The following RBBP8 variants were observed in gnomAD, a reference collection of about 807,000 sequenced individuals.
RBBP8 encodes RB binding protein 8, endonuclease.
RBBP8 carries 88 observed loss-of-function variants against 108.3 expected under a neutral mutation model. The observed-to-expected ratio is 0.81, with a 90% CI of 0.68 to 0.97. RBBP8 has a LOEUF of 0.97. RBBP8 is among the 50% of genes least tolerant of loss of function. The pLI is 0.00. For synonymous variants in RBBP8, 332 were observed against 348.2 expected, an observed-to-expected ratio of 0.95 and a Z score of 0.52; for missense variants, 1,023 against 1,049.0, an observed-to-expected ratio of 0.98 and a Z score of 0.34.
chr18:22,914,431 C>T (rs1909275624), intron 1 of RBBP8: 1 of 152,050 alleles, frequency 6.6e-6, no homozygotes. Context: ...TTCTGTAAAG[C>T]TAGATATTGT....
In RBBP8 at chr18:22,961,104, C is replaced by G. The variant is rs116675501; in HGVS notation, c.249-7702C>G. On this transcript the variant is annotated intron_variant, in intron 4 of 18. Coordinates refer to ENST00000327155, the MANE Select transcript of RBBP8 (RefSeq NM_002894.3). Reference sequence around the variant, plus strand: ...TTGTTTAATTAAAGTTGTACTAGCTCCTAGTTTAACTTGTAAAAAGCATTA... The same window carrying G: ...TTGTTTAATTAAAGTTGTACTAGCTGCTAGTTTAACTTGTAAAAAGCATTA... Among the ~76,000 whole-genome samples, 1,054 of 152,222 alleles carry G rather than the reference C, an allele frequency of 6.9e-3. 13 individuals carry two copies. The highest frequency in any genetic ancestry group is 0.024 in the African/African-American group (992 of 41,526).
intron 4 of RBBP8, among the ~76,000 whole-genome samples, chr18:22,958,542 T>G (rs1912785009): frequency 6.6e-6 from 1 of 152,214 alleles, no homozygotes; most frequent in Non-Finnish European, 1.5e-5. Flanking sequence ...TCATTAATTT[T>G]TTTTTGTTGT....
At chr18:22,954,884 A>G (rs1013831359) in intron 4 of RBBP8, among the ~76,000 whole-genome samples, 3 of 152,112 alleles carry the variant, frequency 2.0e-5, no homozygotes, top group Non-Finnish European at 4.4e-5. Flanking sequence ...AGAACTCACT[A>G]TCAAGAGAAC....
At chr18:22,971,141 G>T (rs1185203042) in intron 5 of RBBP8, among the ~76,000 whole-genome samples, 1 of 50,876 alleles carries the variant, frequency 2.0e-5, no homozygotes, top group African/African-American at 7.1e-5. Flanking sequence ...CATGCCAGGA[G>T]AGTCTTTAAA....
chr18:22,980,971 T>TTTTTTG, intron 6 of RBBP8, among the ~76,000 whole-genome samples: 1 of 71,582 alleles, frequency 1.4e-5, no homozygotes, highest in African/African-American at 6.7e-5. Flanking sequence ...ATGTCTTTTT[T>TTTTTTG]TTTTTTTTTT....
chr18:22,930,997 G>T (rs1910002708), upstream of RBBP8, among the ~76,000 whole-genome samples: 3 of 152,134 alleles, frequency 2.0e-5, no homozygotes, highest in African/African-American at 4.8e-5. Context: ...AGCTCATCTT[G>T]AACTCCTGGC....
rs1347228981 is a variant in RBBP8, at chr18:23,004,014, G to GCCACTGTGCT, written c.2287+2289_2287+2298dup. On this transcript the variant is annotated intron_variant, in intron 15 of 18. Coordinates refer to ENST00000327155, the MANE Select transcript of RBBP8 (RefSeq NM_002894.3). ...GGAACTTGCAGTGAGCCAAGATCAC[G>GCCACTGTGCT]CCACTGTGCTCCAGCCTGGGCAACA... 1.7e-3 allele frequency among the ~76,000 whole-genome samples: 209 copies of GCCACTGTGCT among 123,006 alleles called. 1 individual carries two copies. Among genetic ancestry groups the GCCACTGTGCT allele is most frequent in the African/African-American group, 6.3e-3 (199 of 31,646 alleles). The allele number at this position is 123,006 out of a possible 152,430, so 80.7% of individuals were successfully genotyped here. A position where few individuals can be genotyped will look rare whatever the true frequency, so the allele number is the denominator to read the frequency against.
chr18:22,914,591 T>G (rs888063325), intron 1 of RBBP8, among the ~76,000 whole-genome samples: 1 of 152,220 alleles, frequency 6.6e-6, no homozygotes, highest in Non-Finnish European at 1.5e-5. Flanking sequence ...ATTTCACATA[T>G]TAATGATTTA....
chr18:22,935,146 T>C lies in RBBP8; in HGVS notation c.-99+1582T>C, dbSNP rs905646449. ...AATGCAGTGCACCTAATTCTACTTT[T>C]AAAAACTTTTTTACAGAAATAAATG... On this transcript the variant is annotated intron_variant, in intron 1 of 18. Transcript: ENST00000327155. Among the ~76,000 whole-genome samples the C allele has an allele frequency of 4.5e-4, 68 of 151,408 alleles. 1 individual carries two copies. The highest frequency in any genetic ancestry group is 2.9e-3 in the Admixed American group (44 of 15,212).
chr18:22,951,614 C>G (rs971796843), intron 4 of RBBP8, among the ~76,000 whole-genome samples: 3 of 152,170 alleles, frequency 2.0e-5, no homozygotes, highest in Non-Finnish European at 2.9e-5. Flanking sequence ...AATTCCTACA[C>G]TGGATATGGC....
intron 4 of RBBP8, among the ~76,000 whole-genome samples, chr18:22,952,839 T>C (rs1158099528): frequency 6.6e-6 from 1 of 152,208 alleles, no homozygotes; most frequent in Non-Finnish European, 1.5e-5. Context: ...CTTCTCTTAT[T>C]TCACCACGTT....
At chr18:23,000,905 C>T (rs2045935791) in intron 14 of RBBP8, among the ~76,000 whole-genome samples, 1 of 152,082 alleles carries the variant, frequency 6.6e-6, no homozygotes, top group Non-Finnish European at 1.5e-5. Flanking sequence ...TGTCTTTAAA[C>T]ACTTCATTAC....
At chr18:22,937,081 T>C (rs1488937720) in intron 2 of RBBP8, 121 bp downstream of exon 2, 19 of 1,512,388 alleles carry the variant, frequency 1.3e-5, no homozygotes, top group Non-Finnish European at 1.7e-5. Flanking sequence ...CGGGGGTACA[T>C]GTGCAGATTT....
intron 16 of RBBP8, among the ~76,000 whole-genome samples, chr18:23,010,729 G>A (rs537381651): frequency 4.6e-5 from 7 of 152,084 alleles, no homozygotes; most frequent in Non-Finnish European, 8.8e-5. Context: ...GAATGGAAGT[G>A]TGGGGATGGA....
At chr18:22,927,075 CAAGTT>C (rs1909816931) in intron 3 of RBBP8, among the ~76,000 whole-genome samples, 2 of 152,168 alleles carry the variant, frequency 1.3e-5, no homozygotes, top group Non-Finnish European at 2.9e-5. Flanking sequence ...AGTGTTCATT[CAAGTT>C]AACACAAATG....
intron 3 of RBBP8, among the ~76,000 whole-genome samples, chr18:22,925,493 A>G (rs1909759552): frequency 6.6e-6 from 1 of 152,240 alleles, no homozygotes; most frequent in Non-Finnish European, 1.5e-5. Context: ...CATAATTAGA[A>G]TAAAGACCAA....
rs537226688 is a variant in RBBP8 at position 23,006,576 on chromosome 18, A to G, written c.2357+144A>G. The stretch of plus-strand genomic sequence containing the variant: ...GAGTGCAATGGCGTAAACTCAGCTC[A>G]CTGCAACCTCTGCCTCCTAGGCTCA... On this transcript the variant is annotated intron_variant, in intron 16 of 18. Coordinates refer to ENST00000327155, the MANE Select transcript of RBBP8 (RefSeq NM_002894.3). 78 of 714,042 alleles carry G rather than the reference A, an allele frequency of 1.1e-4. No individual in the cohort carries two copies. The East Asian group carries it at 2.0e-3, about 18-fold the overall frequency. The allele number at this position is 714,042 out of a possible 1,614,324, so 44.2% of individuals were successfully genotyped here.
intron 10 of RBBP8, 24 bp from the exon 11 acceptor site, chr18:22,992,724 G>T (rs764504316): frequency 6.4e-7 from 1 of 1,552,690 alleles, no homozygotes; most frequent in African/African-American, 1.4e-5. Context: ...CTGTATTAAA[G>T]AATTGTTATC....
chr18:22,975,021 C>A (rs1914400139), intron 5 of RBBP8, 132 bp from the exon 6 acceptor site: 2 of 1,186,846 alleles, frequency 1.7e-6, no homozygotes, highest in African/African-American at 1.6e-5. Context: ...TAGTGTTAAC[C>A]CTGAATAAAC....
Sources: allele counts gnomAD v4.1 joint callset (sites outside exome capture counted in the v4.1 genomes callset), GRCh38; gene constraint gnomAD v4.1.1; transcripts MANE v1.5; gene names NCBI Gene and HGNC (gene_info 2026-07-23, HGNC 2026-07-21).